The following FEM1B variants were observed in gnomAD, a reference collection of about 807,000 sequenced individuals.
FEM1B encodes the protein protein fem-1 homolog B.
Under a neutral mutation model 38.6 loss-of-function variants are expected in FEM1B, and 10 were observed. The ratio of observed to expected loss-of-function variants is 0.26; its 90% CI spans 0.16 to 0.44. FEM1B has a LOEUF of 0.44. Among genes scored for constraint, FEM1B ranks in the 20% least tolerant of loss-of-function variants. The probability of loss-of-function intolerance (pLI) is 1.00; values close to 1 mark genes in which losing one functional copy is unlikely to be tolerated. For missense variants in FEM1B, 471 were observed against 786.7 expected (o/e 0.60, Z 4.80); for synonymous variants, 288 against 288.0 (o/e 1.00, Z 0.00).
At chr15:68,282,612 T>A (rs1453101845) in intron 1 of FEM1B, among the ~76,000 whole-genome samples, 2 of 152,206 alleles carry the variant, frequency 1.3e-5, no homozygotes, top group East Asian at 3.8e-4. Context: ...AAGGTGAATA[T>A]CAGATTATAG....
rs1892840608 is a variant in FEM1B, at chr15:68,290,894, A to T, written c.1536A>T (p.Ala512=). The T allele has an allele frequency of 6.2e-7, 1 of 1,613,968 alleles. No individual in the cohort carries two copies. Among genetic ancestry groups the T allele is most frequent in the Non-Finnish European group, 8.5e-7 (1 of 1,180,002 alleles). The change falls in exon 2 of 2, where the codon GCA becomes GCT. Residue 512 remains alanine, a synonymous_variant. Transcript: ENST00000306917. This position sits in a 1 kb window ranked among gnomAD's most constrained non-coding sequence, Gnocchi z 9.7. ...HTNDVCSFPN[A]LVTKLLLDCG... ...ATGACGTCTGCAGCTTTCCAAATGC[A>T]CTTGTCACAAAGCTCCTGCTGGACT...
rs1021280946 is a variant in FEM1B, at chr15:68,278,139, C to A, written c.-279C>A. On this transcript the variant is annotated 5_prime_UTR_variant, in exon 1 of 2. Coordinates refer to ENST00000306917, the MANE Select transcript of FEM1B (RefSeq NM_015322.5). The surrounding 1 kb of genome is among the most constrained non-coding windows in gnomAD (Gnocchi z 5.7). ...CCGGGGCGGCGTCCGCCATGGAGATCCCCTCGGTCCAGGGCCGGCGCCTGG... is the reference window on the plus strand; with the variant it reads ...CCGGGGCGGCGTCCGCCATGGAGATACCCTCGGTCCAGGGCCGGCGCCTGG... 2.9e-6 allele frequency: 1 copy of A among 350,098 alleles called. No homozygotes were observed. Among genetic ancestry groups the A allele is most frequent in the Non-Finnish European group, 5.2e-6 (1 of 192,616 alleles). The allele number at this position is 350,098 out of a possible 1,614,324, so 21.7% of individuals were successfully genotyped here. A position where few individuals can be genotyped will look rare whatever the true frequency, so the allele number is the denominator to read the frequency against.
rs1368378975 is a variant in FEM1B, at chr15:68,292,282, A to AACTT, written c.*1043_*1046dup. On this transcript the variant is annotated 3_prime_UTR_variant, in exon 2 of 2. Coordinates refer to ENST00000306917, the MANE Select transcript of FEM1B (RefSeq NM_015322.5). ...AGAAATATCACTAGTGTGGTATAGGAACTTACATGTTTTTTATGATGAAAA... is the reference window on the plus strand; with the variant it reads ...AGAAATATCACTAGTGTGGTATAGGAACTTACTTACATGTTTTTTATGATGAAAA... 2 of 152,276 alleles carry AACTT rather than the reference A, an allele frequency of 1.3e-5. No individual in the cohort carries two copies. Among genetic ancestry groups the AACTT allele is most frequent in the South Asian group, 2.1e-4 (1 of 4,822 alleles). The allele number at this position is 152,276 out of a possible 1,614,324, so 9.4% of individuals were successfully genotyped here.
At position 68,280,725 on chromosome 15, in the gene FEM1B, G is replaced by C. The variant is rs1202746099; in HGVS notation, c.248+2060G>C. Among the ~76,000 whole-genome samples the C allele has an allele frequency of 1.3e-5, 2 of 152,162 alleles. No homozygotes were observed. The highest frequency in any genetic ancestry group is 2.9e-5 in the Non-Finnish European group (2 of 68,028). ...TGGAGAGAGCTGGAGCCCAGATTTT[G>C]GTGATCCCTGTATAAAGTACTAAGA... On this transcript the variant is annotated intron_variant, in intron 1 of 1. Transcript: ENST00000306917. This position sits in a 1 kb window ranked among gnomAD's most constrained non-coding sequence, Gnocchi z 4.2.
chr15:68,284,315 A>G lies in FEM1B; in HGVS notation c.249-5292A>G, dbSNP rs1411713817. ...GTGAAGATTAAGTGAGATATTTTGC[A>G]TATTCAGCAGTGAATACAGTGCTTG... On this transcript the variant is annotated intron_variant, in intron 1 of 1. Transcript: ENST00000306917. This position sits in a 1 kb window ranked among gnomAD's most constrained non-coding sequence, Gnocchi z 4.4. Among the ~76,000 whole-genome samples, 1 of 152,202 alleles carries G rather than the reference A, an allele frequency of 6.6e-6. No individual in the cohort carries two copies. Among genetic ancestry groups the G allele is most frequent in the African/African-American group, 2.4e-5 (1 of 41,462 alleles).
chr15:68,295,664 T>C lies in FEM1B; in HGVS notation c.*4422T>C, dbSNP rs1445600592. The C allele has an allele frequency of 2.0e-5, 3 of 152,228 alleles. No individual in the cohort carries two copies. The highest frequency in any genetic ancestry group is 4.4e-5 in the Non-Finnish European group (3 of 68,028). 9.4% of individuals were successfully genotyped at this position (152,228 alleles called of 1,614,324 possible). Reference sequence around the variant, plus strand: ...ACCATTTATGTGACTTTAATAAACATAGTAAACTTGCTGACTGCACCAGAG... The same window carrying C: ...ACCATTTATGTGACTTTAATAAACACAGTAAACTTGCTGACTGCACCAGAG... On this transcript the variant is annotated 3_prime_UTR_variant, in exon 2 of 2. Transcript: ENST00000306917.
At position 68,277,953 on chromosome 15, in the gene FEM1B, G is replaced by A. The variant is rs149657294; in HGVS notation, c.-465G>A. On this transcript the variant is annotated 5_prime_UTR_variant, in exon 1 of 2. Coordinates refer to ENST00000306917, the MANE Select transcript of FEM1B (RefSeq NM_015322.5). ...CGGCGAAGGGCGGAAAGCGCAGGAG[G>A]AGGCAGTGTTAGGCCTTAGGCCGGG... The A allele has an allele frequency of 5.4e-4, 84 of 156,688 alleles. 2 individuals carry two copies. In the East Asian group the frequency reaches 0.013, roughly 25 times the overall value. The allele number at this position is 156,688 out of a possible 1,614,324, so 9.7% of individuals were successfully genotyped here. A position where few individuals can be genotyped will look rare whatever the true frequency, so the allele number is the denominator to read the frequency against.
In FEM1B at chr15:68,289,350, G is replaced by A. The variant is rs577180581; in HGVS notation, c.249-257G>A. 2.3e-5 allele frequency: 9 copies of A among 386,004 alleles called. No individual in the cohort carries two copies. The highest frequency in any genetic ancestry group is 1.0e-4 in the African/African-American group (5 of 48,700). 23.9% of individuals were successfully genotyped at this position (386,004 alleles called of 1,614,324 possible). ...CTTTACTTTTGCTAGTAGAAAGTTCGTGATTTTTCAGGTTTGTTTTTTAGG... is the reference window on the plus strand; with the variant it reads ...CTTTACTTTTGCTAGTAGAAAGTTCATGATTTTTCAGGTTTGTTTTTTAGG... On this transcript the variant is annotated intron_variant, in intron 1 of 1. Coordinates refer to ENST00000306917, the MANE Select transcript of FEM1B (RefSeq NM_015322.5). This position sits in a 1 kb window ranked among gnomAD's most constrained non-coding sequence, Gnocchi z 6.9.
Position 68,284,641 on chromosome 15 carries a change from A to T in FEM1B, c.249-4966A>T, listed in dbSNP as rs984394427. On this transcript the variant is annotated intron_variant, in intron 1 of 1. Coordinates refer to ENST00000306917, the MANE Select transcript of FEM1B (RefSeq NM_015322.5). The surrounding 1 kb of genome is among the most constrained non-coding windows in gnomAD (Gnocchi z 4.4). ...AGATCAATGTGTAGAACACTTTATC[A>T]CTCTAAAAGTTTCCCTTGTGCCCCT... Among the ~76,000 whole-genome samples, 2 of 152,080 alleles carry T rather than the reference A, an allele frequency of 1.3e-5. No individual in the cohort carries two copies. The highest frequency in any genetic ancestry group is 2.9e-5 in the Non-Finnish European group (2 of 68,004).
Position 68,288,922 on chromosome 15 carries a change from A to G in FEM1B, c.249-685A>G, listed in dbSNP as rs1892817755. On this transcript the variant is annotated intron_variant, in intron 1 of 1. Transcript: ENST00000306917. The surrounding 1 kb of genome is among the most constrained non-coding windows in gnomAD (Gnocchi z 4.6). ...CCTTTGTGCTTTCTCCCATTTCACT[A>G]CCTCTCCCCAAAAGTAACCAGTATC... 6.6e-6 allele frequency among the ~76,000 whole-genome samples: 1 copy of G among 152,096 alleles called. No individual in the cohort carries two copies. The highest frequency in any genetic ancestry group is 6.6e-5 in the Admixed American group (1 of 15,254).
Position 68,278,318 on chromosome 15 carries a change from T to G in FEM1B, c.-100T>G. 1 of 1,452,134 alleles carries G rather than the reference T, an allele frequency of 6.9e-7. No homozygotes were observed. Among genetic ancestry groups the G allele is most frequent in the Non-Finnish European group, 9.2e-7 (1 of 1,085,672 alleles). The allele number at this position is 1,452,134 out of a possible 1,614,324, so 90.0% of individuals were successfully genotyped here. A position where few individuals can be genotyped will look rare whatever the true frequency, so the allele number is the denominator to read the frequency against. The stretch of plus-strand genomic sequence containing the variant: ...GGCGACGGCGCCCTGTTGAATGGGC[T>G]GTGAGGGCCCAGGTTTAAAGCGCTG... On this transcript the variant is annotated 5_prime_UTR_variant, in exon 1 of 2. Coordinates refer to ENST00000306917, the MANE Select transcript of FEM1B (RefSeq NM_015322.5). This position sits in a 1 kb window ranked among gnomAD's most constrained non-coding sequence, Gnocchi z 5.7.
Position 68,291,595 on chromosome 15 carries a change from G to C in FEM1B, c.*353G>C, listed in dbSNP as rs554085582. On this transcript the variant is annotated 3_prime_UTR_variant, in exon 2 of 2. Transcript: ENST00000306917. The surrounding 1 kb of genome is among the most constrained non-coding windows in gnomAD (Gnocchi z 6.9). ...AACAGCTGCTTACAAAAGTATTTCT[G>C]TTAAGCCTATGTCAGCATGTTATCC... The C allele has an allele frequency of 7.6e-5, 16 of 210,982 alleles. No homozygotes were observed. The highest frequency in any genetic ancestry group is 1.9e-3 in the Middle Eastern group (1 of 532). 13.1% of individuals were successfully genotyped at this position (210,982 alleles called of 1,614,324 possible).
Position 68,290,012 on chromosome 15 carries a change from T to G in FEM1B, c.654T>G (p.His218Gln). 1 of 1,614,230 alleles carries G rather than the reference T, an allele frequency of 6.2e-7. No homozygotes were observed. The highest frequency in any genetic ancestry group is 1.3e-5 in the African/African-American group (1 of 75,062). Residue 218 changes from histidine to glutamine, a missense_variant, in exon 2 of 2, where the codon CAT (histidine) becomes CAG (glutamine). Transcript: ENST00000306917. This position sits in a 1 kb window ranked among gnomAD's most constrained non-coding sequence, Gnocchi z 9.7. ...KWRAAIVVNGHGMTPLKVAAE... is the reference protein window; with the variant it reads ...KWRAAIVVNGQGMTPLKVAAE... ...GTGCTGCTATAGTAGTGAATGGCCA[T>G]GGGATGACGCCATTGAAAGTAGCTG...
Position 68,292,246 on chromosome 15 carries a change from T to C in FEM1B, c.*1004T>C, listed in dbSNP as rs955445035. ...TGAATTTTTTCACTTTCTTAGTCTG[T>C]GACAAGAAGTAGAAATATCACTAGT... On this transcript the variant is annotated 3_prime_UTR_variant, in exon 2 of 2. Transcript: ENST00000306917. The C allele has an allele frequency of 3.0e-4, 46 of 152,208 alleles. No homozygotes were observed. Among genetic ancestry groups the C allele is most frequent in the South Asian group, 2.1e-4 (1 of 4,834 alleles). The allele number at this position is 152,208 out of a possible 1,614,324, so 9.4% of individuals were successfully genotyped here.
chr15:68,278,594 A>G lies in FEM1B; in HGVS notation c.177A>G (p.Ala59=), dbSNP rs773076788. ...TCATCGCAGCCCGCAATGGACACGC[A>G]AAGGTGGTACGCTTGCTCTTAGAAC... ...PLIIAARNGH[A]KVVRLLLEHY... Residue 59 remains alanine, a synonymous_variant, in exon 1 of 2, where the codon GCA becomes GCG. Coordinates refer to ENST00000306917, the MANE Select transcript of FEM1B (RefSeq NM_015322.5). This position sits in a 1 kb window ranked among gnomAD's most constrained non-coding sequence, Gnocchi z 5.7. 2 of 1,613,966 alleles carry G rather than the reference A, an allele frequency of 1.2e-6. No homozygotes were observed. Among genetic ancestry groups the G allele is most frequent in the East Asian group, 4.5e-5 (2 of 44,888 alleles).
chr15:68,278,135 A>G lies in FEM1B; in HGVS notation c.-283A>G. 2.9e-6 allele frequency: 1 copy of G among 342,290 alleles called. No homozygotes were observed. Among genetic ancestry groups the G allele is most frequent in the South Asian group, 4.2e-5 (1 of 23,784 alleles). 21.2% of individuals were successfully genotyped at this position (342,290 alleles called of 1,614,324 possible). ...AGGCCCGGGGCGGCGTCCGCCATGG[A>G]GATCCCCTCGGTCCAGGGCCGGCGC... On this transcript the variant is annotated 5_prime_UTR_variant, in exon 1 of 2. Transcript: ENST00000306917. This position sits in a 1 kb window ranked among gnomAD's most constrained non-coding sequence, Gnocchi z 5.7.
At chr15:68,279,061 C>T (rs897104134) in intron 1 of FEM1B, among the ~76,000 whole-genome samples, 10 of 152,182 alleles carry the variant, frequency 6.6e-5, no homozygotes, top group African/African-American at 2.4e-4. Flanking sequence ...CATTGAAGAA[C>T]TCCGAAAGAG....
In FEM1B at chr15:68,291,490, C is replaced by CT. The variant is rs1009841373; in HGVS notation, c.*256dup. 26 of 415,894 alleles carry CT rather than the reference C, an allele frequency of 6.3e-5. No individual in the cohort carries two copies. Among genetic ancestry groups the CT allele is most frequent in the Non-Finnish European group, 9.3e-5 (22 of 235,720 alleles). 25.8% of individuals were successfully genotyped at this position (415,894 alleles called of 1,614,324 possible). ...GCATATTGGTTACCTATTTGTCTTT[C>CT]TTTTTTTTAAAGGAACAGATATAAA... is the stretch of plus-strand genomic sequence containing the variant. On this transcript the variant is annotated 3_prime_UTR_variant, in exon 2 of 2. Transcript: ENST00000306917. This position sits in a 1 kb window ranked among gnomAD's most constrained non-coding sequence, Gnocchi z 6.9.
rs940233716 is a variant in FEM1B at position 68,284,568 on chromosome 15, A to C, written c.249-5039A>C. On this transcript the variant is annotated intron_variant, in intron 1 of 1. Coordinates refer to ENST00000306917, the MANE Select transcript of FEM1B (RefSeq NM_015322.5). The surrounding 1 kb of genome is among the most constrained non-coding windows in gnomAD (Gnocchi z 4.4). ...AAAGTACATGAATCTTGTGTACAATACTGTACAATGAATTTTTAATATGTT... is the reference window on the plus strand; with the variant it reads ...AAAGTACATGAATCTTGTGTACAATCCTGTACAATGAATTTTTAATATGTT... Among the ~76,000 whole-genome samples the C allele has an allele frequency of 4.6e-5, 7 of 152,138 alleles. No individual in the cohort carries two copies. Among genetic ancestry groups the C allele is most frequent in the African/African-American group, 1.7e-4 (7 of 41,414 alleles).
Sources: allele counts gnomAD v4.1 joint callset (sites outside exome capture counted in the v4.1 genomes callset), GRCh38; gene constraint gnomAD v4.1.1; non-coding constraint Gnocchi (gnomAD v3.1); transcripts MANE v1.5; gene names NCBI Gene and HGNC (gene_info 2026-07-23, HGNC 2026-07-21).